The following ZNF385D variants were observed in gnomAD, a reference collection of about 807,000 sequenced individuals.
ZNF385D encodes zinc finger protein 659.
Under a neutral mutation model 35.8 loss-of-function variants are expected in ZNF385D, and 15 were observed. The ratio of observed to expected loss-of-function variants is 0.42; its 90% CI spans 0.28 to 0.64. ZNF385D has a LOEUF of 0.64. Ranked by LOEUF, ZNF385D falls within the 30% of genes least tolerant of loss-of-function variation. ZNF385D has a pLI of 0.23. For synonymous variants in ZNF385D, 212 were observed against 186.8 expected (o/e 1.13, Z -1.10); for missense variants, 474 against 494.6 (o/e 0.96, Z 0.39).
intron 4 of ZNF385D, among the ~76,000 whole-genome samples, chr3:21,505,121 C>G (rs1169554128): frequency 6.6e-6 from 1 of 152,118 alleles, no homozygotes; most frequent in Non-Finnish European, 1.5e-5. Flanking sequence ...GCTTTCAAAT[C>G]TGGGAAGTGC....
intron 1 of ZNF385D, among the ~76,000 whole-genome samples, chr3:21,703,706 G>T (rs1198205009): frequency 1.3e-5 from 2 of 151,860 alleles, no homozygotes; most frequent in African/African-American, 4.8e-5. Flanking sequence ...AGACACCACT[G>T]TAGTTCTTTT....
intron 2 of ZNF385D, among the ~76,000 whole-genome samples, chr3:21,602,531 T>C (rs1231462800): frequency 2.4e-5 from 2 of 82,600 alleles, no homozygotes; most frequent in South Asian, 3.4e-4. Context: ...TTTTTTTTTT[T>C]TTTTTTTTTT....
intron 2 of ZNF385D, among the ~76,000 whole-genome samples, chr3:21,583,773 T>C (rs1193108200): frequency 6.6e-6 from 1 of 150,838 alleles, no homozygotes; most frequent in Non-Finnish European, 1.5e-5. Flanking sequence ...AATTAATATT[T>C]TCATTTAAAT....
At chr3:22,197,371 A>T (rs1211646697) in intron 2 of ZNF385D, among the ~76,000 whole-genome samples, 1 of 151,942 alleles carries the variant, frequency 6.6e-6, no homozygotes, top group African/African-American at 2.4e-5. Context: ...GTATTTTTCC[A>T]TATCTGTTTC....
intron 2 of ZNF385D, among the ~76,000 whole-genome samples, chr3:22,270,625 GCA>G (rs1701124042): frequency 1.3e-5 from 2 of 151,748 alleles, no homozygotes; most frequent in African/African-American, 4.8e-5. Flanking sequence ...TTGTAAGAAA[GCA>G]CATAGAGGCT....
chr3:21,917,330 G>A (rs180836255), intron 3 of ZNF385D, among the ~76,000 whole-genome samples: 32 of 152,220 alleles, frequency 2.1e-4, no homozygotes, highest in Admixed American at 8.5e-4. Context: ...TACTCAGAAA[G>A]CCGAGGCAAG....
intron 1 of ZNF385D, among the ~76,000 whole-genome samples, chr3:21,727,623 C>A (rs1219620466): frequency 6.6e-6 from 1 of 152,208 alleles, no homozygotes; most frequent in Non-Finnish European, 1.5e-5. Context: ...GAGATACCAT[C>A]TCACGCCAGT....
rs74336034 is a variant in ZNF385D, at chr3:22,093,091, G to A, written c.325+75726C>T. 1.1e-3 allele frequency among the ~76,000 whole-genome samples: 167 copies of A among 152,186 alleles called. 2 individuals carry two copies. In the East Asian group the frequency reaches 0.028, roughly 25 times the overall value. On this transcript the variant is annotated intron_variant, in intron 3 of 5. Transcript: ENST00000494108. ...CATAAGACAAAGAGTGTGGATAGTG[G>A]GAGAAGTGAAGTGTTGGTGCCAAAT...
At chr3:21,423,220 G>T (rs1011175905) in intron 7 of ZNF385D, among the ~76,000 whole-genome samples, 3 of 152,136 alleles carry the variant, frequency 2.0e-5, no homozygotes, top group African/African-American at 7.2e-5. Context: ...TTGTACTGGG[G>T]TCTCATAATA....
rs142470719 is a variant in ZNF385D at position 21,682,728 on chromosome 3, CT to C, written c.23-17701del. On this transcript the variant is annotated intron_variant, in intron 1 of 7. Coordinates refer to ENST00000281523, the MANE Select transcript of ZNF385D (RefSeq NM_024697.3). ...TACTTCCTGAGCAGGAGAAGACAAA[CT>C]TTTTTTTTTTTCCTTTGGGAAAGGG... is the stretch of plus-strand genomic sequence containing the variant. Among the ~76,000 whole-genome samples, 860 of 142,830 alleles carry C rather than the reference CT, an allele frequency of 6.0e-3. 46 individuals are homozygous for C. Among genetic ancestry groups the C allele is most frequent in the African/African-American group, 0.013 (521 of 39,066 alleles). 93.7% of individuals were successfully genotyped at this position (142,830 alleles called of 152,430 possible).
intron 3 of ZNF385D, among the ~76,000 whole-genome samples, chr3:21,518,769 G>A (rs1322639507): frequency 1.3e-5 from 2 of 151,988 alleles, no homozygotes; most frequent in South Asian, 2.1e-4. Context: ...AACATTTGAA[G>A]AAGAAATTTA....
intron 2 of ZNF385D, among the ~76,000 whole-genome samples, chr3:22,323,459 AAC>A (rs1271746033): frequency 6.6e-6 from 1 of 152,160 alleles, no homozygotes; most frequent in African/African-American, 2.4e-5. Flanking sequence ...CACACATGTA[AAC>A]ACAATTTCTG....
intron 2 of ZNF385D, among the ~76,000 whole-genome samples, chr3:21,572,895 G>A (rs924690702): frequency 1.6e-4 from 25 of 152,182 alleles, no homozygotes; most frequent in African/African-American, 5.8e-4. Flanking sequence ...CTGCCCATAA[G>A]GACTTATATG....
intron 2 of ZNF385D, among the ~76,000 whole-genome samples, chr3:21,621,511 G>A (rs1173081110): frequency 1.3e-5 from 2 of 150,878 alleles, no homozygotes; most frequent in Non-Finnish European, 2.9e-5. Flanking sequence ...CATTGAGCAA[G>A]AAACTGCCAA....
intron 4 of ZNF385D, among the ~76,000 whole-genome samples, chr3:21,460,367 A>G (rs922657900): frequency 6.6e-6 from 1 of 152,210 alleles, no homozygotes; most frequent in African/African-American, 2.4e-5. Context: ...AGATCGTGTC[A>G]AAAATAATAT....
intron 4 of ZNF385D, among the ~76,000 whole-genome samples, chr3:21,480,505 C>G (rs1165905851): frequency 6.6e-6 from 1 of 152,070 alleles, no homozygotes; most frequent in Non-Finnish European, 1.5e-5. Flanking sequence ...TCCTGTCACT[C>G]AATATCAAAT....
At chr3:22,027,868 T>A (rs963075801) in intron 3 of ZNF385D, among the ~76,000 whole-genome samples, 1 of 152,140 alleles carries the variant, frequency 6.6e-6, no homozygotes, top group Non-Finnish European at 1.5e-5. Context: ...AAGAGAAGAC[T>A]AGGGCCTGGT....
intron 3 of ZNF385D, among the ~76,000 whole-genome samples, chr3:21,819,298 T>C (rs1044164770): frequency 6.6e-5 from 10 of 151,780 alleles, no homozygotes; most frequent in Non-Finnish European, 1.3e-4. Context: ...TAGACTAAGC[T>C]CTAGAATTAA....
At chr3:21,762,495 G>A (rs922403130) in intron 3 of ZNF385D, among the ~76,000 whole-genome samples, 3 of 152,018 alleles carry the variant, frequency 2.0e-5, no homozygotes, top group Admixed American at 2.0e-4. Context: ...ACTTTCCTTA[G>A]GCCTCAAGAC....
Sources: allele counts gnomAD v4.1 joint callset (sites outside exome capture counted in the v4.1 genomes callset), GRCh38; gene constraint gnomAD v4.1.1; transcripts MANE v1.5; gene names NCBI Gene and HGNC (gene_info 2026-07-23, HGNC 2026-07-21).